Variants in TCF20 observed in about 807,000 individuals in gnomAD.
TCF20 encodes SPRE-binding protein.
In TCF20, 3 loss-of-function variants were observed where a neutral mutation model predicts 148.6. The observed-to-expected ratio is 0.02, with a 90% CI of 0.01 to 0.05. TCF20 has a LOEUF of 0.05. Among genes scored for constraint, TCF20 ranks in the 10% least tolerant of loss-of-function variants. The pLI is 1.00. For synonymous variants in TCF20, 1,049 were observed against 909.5 expected (o/e 1.15, Z -2.76); for missense variants, 2,350 against 2,429.3 (o/e 0.97, Z 0.69).
intron 1 of TCF20, among the ~76,000 whole-genome samples, chr22:42,340,970 A>G (rs1928155878): frequency 6.7e-6 from 1 of 148,824 alleles, no homozygotes; most frequent in Admixed American, 6.8e-5. Context: ...GATGCCGCGA[A>G]GCTGGCAGTG....
chr22:42,179,791 A>AG (rs1936682864), intron 2 of TCF20, 89 bp from the exon 3 acceptor site: 3 of 835,526 alleles, frequency 3.6e-6, no homozygotes, highest in Non-Finnish European at 6.2e-6. Context: ...GTTAGACCTC[A>AG]GCACGTGTCT....
At chr22:42,225,809 C>T (rs1292173905) in intron 1 of TCF20, among the ~76,000 whole-genome samples, 2 of 152,092 alleles carry the variant, frequency 1.3e-5, no homozygotes, top group Admixed American at 6.6e-5. Context: ...TTCAGGAAAC[C>T]TGGTGCCAAT....
At chr22:42,267,369 T>C (rs2146993301) in intron 1 of TCF20, among the ~76,000 whole-genome samples, 1 of 152,218 alleles carries the variant, frequency 6.6e-6, no homozygotes, top group Middle Eastern at 3.4e-3. Context: ...AAACTGTTTA[T>C]TCTAGAAAAT....
rs552066256 is a variant in TCF20, at chr22:42,290,785, C to T, written c.-37+52694G>A. 1.2e-4 allele frequency among the ~76,000 whole-genome samples: 19 copies of T among 152,320 alleles called. No homozygotes were observed. Among genetic ancestry groups the T allele is most frequent in the Admixed American group, 4.6e-4 (7 of 15,306 alleles). ...AGGACAATTCAAGGCAATTCAAGGA[C>T]GAGGTCAGCCTCCCAGAGCACACAG... On this transcript the variant is annotated intron_variant, in intron 1 of 1. Transcript: ENST00000515426. The surrounding 1 kb of genome is among the most constrained non-coding windows in gnomAD (Gnocchi z 4.2).
Position 42,168,644 on chromosome 22 carries a change from C to A in TCF20, c.*9G>T. 6.3e-7 allele frequency: 1 copy of A among 1,597,604 alleles called. No individual in the cohort carries two copies. Among genetic ancestry groups the A allele is most frequent in the Non-Finnish European group, 8.5e-7 (1 of 1,171,948 alleles). On this transcript the variant is annotated 3_prime_UTR_variant, in exon 5 of 6. Transcript: ENST00000677622. ...TGTCCTTTCCATTCCCACGAGCACA[C>A]TGCCCCCCTCACCCCCGCTCCGACT... is the stretch of plus-strand genomic sequence containing the variant.
At chr22:42,221,104 TGG>T (rs538899521) in intron 1 of TCF20, among the ~76,000 whole-genome samples, 217 of 152,318 alleles carry the variant, frequency 1.4e-3, no homozygotes, top group Non-Finnish European at 2.3e-3. Flanking sequence ...TTTAGCAGCA[TGG>T]TTCTGGGTTA....
chr22:42,208,760 A>T (rs1015013717), intron 2 of TCF20, among the ~76,000 whole-genome samples: 1 of 152,226 alleles, frequency 6.6e-6, no homozygotes, highest in African/African-American at 2.4e-5. Context: ...AATGCCTTAT[A>T]TTAACAGGAA....
In TCF20 at chr22:42,299,688, A is replaced by T. The variant is rs1927298830; in HGVS notation, c.-37+43791T>A. Reference sequence around the variant, plus strand: ...GCACCCCAACACTTCAAGACCTCCTAGGAGTGACCTGGCTGGGGTCTCTCT... The same window carrying T: ...GCACCCCAACACTTCAAGACCTCCTTGGAGTGACCTGGCTGGGGTCTCTCT... On this transcript the variant is annotated intron_variant, in intron 1 of 1. Transcript: ENST00000515426. The surrounding 1 kb of genome is among the most constrained non-coding windows in gnomAD (Gnocchi z 4.1). 6.6e-6 allele frequency among the ~76,000 whole-genome samples: 1 copy of T among 151,994 alleles called. No individual in the cohort carries two copies. Among genetic ancestry groups the T allele is most frequent in the Non-Finnish European group, 1.5e-5 (1 of 67,930 alleles).
chr22:42,279,480 A>C lies in TCF20; in HGVS notation c.-37+4347T>G, dbSNP rs1168153495. Among the ~76,000 whole-genome samples, 1 of 152,146 alleles carries C rather than the reference A, an allele frequency of 6.6e-6. No homozygotes were observed. The highest frequency in any genetic ancestry group is 1.5e-5 in the Non-Finnish European group (1 of 68,026). ...CAACAGAGCGACTCCCTCTCAATAA[A>C]TAAAATAAAATAAGGAAGGACAGAG... On this transcript the variant is annotated intron_variant, in intron 1 of 5. Transcript: ENST00000359486. This position sits in a 1 kb window ranked among gnomAD's most constrained non-coding sequence, Gnocchi z 4.3.
rs544293700 is a variant in TCF20, at chr22:42,205,099, G to C, written c.5655+4552C>G. 8.5e-5 allele frequency among the ~76,000 whole-genome samples: 13 copies of C among 152,260 alleles called. No homozygotes were observed. In the East Asian group the frequency reaches 2.5e-3, roughly 29 times the overall value. On this transcript the variant is annotated intron_variant, in intron 2 of 5. Coordinates refer to ENST00000677622, the MANE Select transcript of TCF20 (RefSeq NM_001378418.1). The stretch of plus-strand genomic sequence containing the variant: ...CTTGGCATTCCTTAATGTCTCAAAG[G>C]TGATTTGTACATACCAAGTTATATC...
At chr22:42,240,121 C>T (rs1924263733) in intron 1 of TCF20, among the ~76,000 whole-genome samples, 1 of 152,228 alleles carries the variant, frequency 6.6e-6, no homozygotes, top group Non-Finnish European at 1.5e-5. Context: ...ACTAATTTAA[C>T]TGGCACAGCC....
At chr22:42,215,615 C>T (rs896502179) in intron 1 of TCF20, among the ~76,000 whole-genome samples, 6 of 151,988 alleles carry the variant, frequency 3.9e-5, no homozygotes, top group African/African-American at 7.3e-5. Flanking sequence ...GGACTACAGG[C>T]GCATGGCCAC....
At chr22:42,222,587 C>T (rs1354270668) in intron 1 of TCF20, among the ~76,000 whole-genome samples, 2 of 152,100 alleles carry the variant, frequency 1.3e-5, no homozygotes, top group African/African-American at 2.4e-5. Context: ...TTTGTGCCAT[C>T]GGCCCACTCT....
At chr22:42,246,006 C>T (rs1463795865) in intron 1 of TCF20, among the ~76,000 whole-genome samples, 1 of 152,226 alleles carries the variant, frequency 6.6e-6, no homozygotes, top group African/African-American at 2.4e-5. Context: ...TACTAGGACT[C>T]ATCCCCAAAC....
At chr22:42,329,128 A>C (rs889565851) in intron 1 of TCF20, among the ~76,000 whole-genome samples, 2 of 152,124 alleles carry the variant, frequency 1.3e-5, no homozygotes, top group Non-Finnish European at 2.9e-5. Flanking sequence ...AGGCGGGTGG[A>C]TCTGATAAAC....
At chr22:42,294,665 T>A (rs1927198916) in intron 1 of TCF20, among the ~76,000 whole-genome samples, 1 of 152,206 alleles carries the variant, frequency 6.6e-6, no homozygotes, top group Non-Finnish European at 1.5e-5. Context: ...TGGCAGGGAC[T>A]TGATGGAGAT....
At chr22:42,165,005 G>C (rs1021801674) in intron 5 of TCF20, among the ~76,000 whole-genome samples, 1 of 152,208 alleles carries the variant, frequency 6.6e-6, no homozygotes, top group Non-Finnish European at 1.5e-5. Flanking sequence ...AATCTCTGAC[G>C]TAGAGAAGGG....
At chr22:42,336,031 C>A (rs575329572) in intron 1 of TCF20, among the ~76,000 whole-genome samples, 100 of 152,360 alleles carry the variant, frequency 6.6e-4, no homozygotes, top group East Asian at 7.7e-4. Flanking sequence ...AGGCTGCAAC[C>A]TGTGACCTTG....
chr22:42,342,533 T>C (rs999841218), intron 1 of TCF20, among the ~76,000 whole-genome samples: 6 of 152,154 alleles, frequency 3.9e-5, no homozygotes, highest in African/African-American at 9.7e-5. Flanking sequence ...GTTCATCTCA[T>C]TGGGCAGAGG....
Sources: gnomAD v4.1 joint callset for allele counts (sites outside exome capture counted in the v4.1 genomes callset) on GRCh38, gnomAD v4.1.1 for gene constraint, Gnocchi (gnomAD v3.1) non-coding constraint, MANE v1.5 for transcripts, NCBI Gene and HGNC (gene_info 2026-07-23, HGNC 2026-07-21) for gene names.